Variants in HHIPL1 observed in about 807,000 individuals in gnomAD.
The protein encoded by HHIPL1 is HHIP-like protein 1.
HHIPL1 carries 43 observed loss-of-function variants against 61.8 expected under a neutral mutation model. That is an observed-to-expected ratio of 0.70 (90% CI 0.55 to 0.90). The LOEUF (loss-of-function observed/expected upper bound fraction) is 0.90, where lower values mean the gene tolerates loss of function less well. Ranked by LOEUF, HHIPL1 falls within the 40% of genes least tolerant of loss-of-function variation. The pLI, the probability that HHIPL1 is intolerant of heterozygous loss-of-function variation, is 0.00. For missense variants in HHIPL1, 1,056 were observed against 1,157.7 expected (o/e 0.91, Z 1.28); for synonymous variants, 482 against 515.8 (o/e 0.93, Z 0.89).
the HHIPL1 span, among the ~76,000 whole-genome samples, chr14:99,626,684 G>A: frequency 6.6e-6 from 1 of 152,328 alleles, no homozygotes. Flanking sequence ...TCTAGGTCCT[G>A]GGGATCTGGG....
chr14:99,655,033 T>G (rs142739870), intron 2 of HHIPL1, among the ~76,000 whole-genome samples: 213 of 152,228 alleles, frequency 1.4e-3, no homozygotes, highest in African/African-American at 5.0e-3. Flanking sequence ...GACTCACTGT[T>G]GGGGAAAGGT....
At position 99,668,007 on chromosome 14, in the gene HHIPL1, G is replaced by A. The variant is rs2056273539; in HGVS notation, c.1649-215G>A. Among the ~76,000 whole-genome samples, 1 of 152,182 alleles carries A rather than the reference G, an allele frequency of 6.6e-6. No homozygotes were observed. Among genetic ancestry groups the A allele is most frequent in the African/African-American group, 2.4e-5 (1 of 41,432 alleles). ...GAGTGCCTGACACCCGGAAGACCAGGCTCCAGAGGCCCTTGGGTACAACCC... is the reference window on the plus strand; with the variant it reads ...GAGTGCCTGACACCCGGAAGACCAGACTCCAGAGGCCCTTGGGTACAACCC... On this transcript the variant is annotated intron_variant, in intron 6 of 8. Coordinates refer to ENST00000330710, the MANE Select transcript of HHIPL1 (RefSeq NM_001127258.3). The surrounding 1 kb of genome is among the most constrained non-coding windows in gnomAD (Gnocchi z 4.7).
rs2056109326 is a variant in HHIPL1, at chr14:99,659,592, G to A, written c.1211G>A (p.Gly404Asp). 1.9e-6 allele frequency: 3 copies of A among 1,552,572 alleles called. No homozygotes were observed. Among genetic ancestry groups the A allele is most frequent in the East Asian group, 4.8e-5 (2 of 41,410 alleles). The change falls in exon 4 of 9, where the codon GGC becomes GAC. Residue 404 changes from glycine (G) to aspartate (D), a missense_variant. Coordinates refer to ENST00000330710, the MANE Select transcript of HHIPL1 (RefSeq NM_001127258.3). Reference sequence around the variant, plus strand: ...ATGTGGCGCTGCTCCTTCGACCGTGGCGACCCCTCCTCGGGCACTGGCCGC... The same window carrying A: ...ATGTGGCGCTGCTCCTTCGACCGTGACGACCCCTCCTCGGGCACTGGCCGC... ...RNMWRCSFDR[G>D]DPSSGTGRGR...
At chr14:99,654,125 G>A (rs2055985960) in intron 2 of HHIPL1, among the ~76,000 whole-genome samples, 1 of 142,554 alleles carries the variant, frequency 7.0e-6, no homozygotes, top group African/African-American at 2.5e-5. Flanking sequence ...GGAGGCAGAG[G>A]TTGCAGTGAA....
the HHIPL1 span, among the ~76,000 whole-genome samples, chr14:99,630,267 A>G: frequency 8.5e-5 from 13 of 152,330 alleles, no homozygotes; most frequent in South Asian, 2.7e-3. Context: ...CCCATCGCAC[A>G]CCGGGCAGGC....
chr14:99,615,314 A>G, the HHIPL1 span, among the ~76,000 whole-genome samples: 194 of 152,314 alleles, frequency 1.3e-3, 1 homozygote, highest in African/African-American at 4.4e-3. Context: ...TTAGGAGCCC[A>G]GCCTCCCAGA....
intron 1 of HHIPL1, among the ~76,000 whole-genome samples, chr14:99,645,923 G>A (rs1217569228): frequency 6.6e-6 from 1 of 152,202 alleles, no homozygotes; most frequent in Non-Finnish European, 1.5e-5. Context: ...CGTGGTCAAC[G>A]TGTGGCCCGG....
chr14:99,634,526 C>G, the HHIPL1 span, among the ~76,000 whole-genome samples: 1 of 152,242 alleles, frequency 6.6e-6, no homozygotes, highest in Non-Finnish European at 1.5e-5. Flanking sequence ...CCATACTTCT[C>G]TAACTACAGC....
At chr14:99,614,658 C>T in the HHIPL1 span, among the ~76,000 whole-genome samples, 1 of 152,186 alleles carries the variant, frequency 6.6e-6, no homozygotes, top group Non-Finnish European at 1.5e-5. Context: ...AGGAGACACT[C>T]CCATTGCTGT....
chr14:99,666,467 T>A (rs2056248118), intron 6 of HHIPL1, among the ~76,000 whole-genome samples: 1 of 152,182 alleles, frequency 6.6e-6, no homozygotes, highest in South Asian at 2.1e-4. Context: ...TGGTCCAGCC[T>A]TGTCATTTTA....
Position 99,668,175 on chromosome 14 carries a change from C to G in HHIPL1, c.1649-47C>G, listed in dbSNP as rs77233601. ...GGTGGTGAGGCGGGGCTGGCTGGGA[C>G]GGTATTCCAGGTGGGGGTCTCACTA... On this transcript the variant is annotated intron_variant, in intron 6 of 8. Coordinates refer to ENST00000330710, the MANE Select transcript of HHIPL1 (RefSeq NM_001127258.3). This position sits in a 1 kb window ranked among gnomAD's most constrained non-coding sequence, Gnocchi z 4.7. The G allele has an allele frequency of 5.1e-6, 6 of 1,166,162 alleles. No individual in the cohort carries two copies. The African/African-American group carries it at 9.1e-5, about 18-fold the overall frequency. 72.2% of individuals were successfully genotyped at this position (1,166,162 alleles called of 1,614,324 possible).
chr14:99,658,540 C>T (rs1045519743), intron 3 of HHIPL1, among the ~76,000 whole-genome samples: 1 of 152,140 alleles, frequency 6.6e-6, no homozygotes, highest in South Asian at 2.1e-4. Flanking sequence ...CTTCACAAAC[C>T]CTGCCTTGAA....
chr14:99,641,118 C>T (rs2055745739), upstream of HHIPL1, among the ~76,000 whole-genome samples: 1 of 151,920 alleles, frequency 6.6e-6, no homozygotes, highest in Admixed American at 6.6e-5. Context: ...AACTCCTGAC[C>T]TCAGGTGATC....
chr14:99,638,590 G>T, the HHIPL1 span, among the ~76,000 whole-genome samples: 1 of 152,150 alleles, frequency 6.6e-6, no homozygotes, highest in Non-Finnish European at 1.5e-5. Context: ...GGCCCCAGAG[G>T]GGCCAGCAAA....
At chr14:99,651,435 C>A (rs974233582) in intron 1 of HHIPL1, among the ~76,000 whole-genome samples, 1 of 152,148 alleles carries the variant, frequency 6.6e-6, no homozygotes, top group Non-Finnish European at 1.5e-5. Flanking sequence ...CGGCATGTCT[C>A]ATGACGACAG....
At chr14:99,620,438 G>C in the HHIPL1 span, among the ~76,000 whole-genome samples, 51 of 152,122 alleles carry the variant, frequency 3.4e-4, no homozygotes, top group African/African-American at 1.1e-3. Context: ...CCTTTTTCTC[G>C]CTCCCCATCC....
chr14:99,644,612 C>G (rs1473657812), upstream of HHIPL1, among the ~76,000 whole-genome samples: 1 of 152,074 alleles, frequency 6.6e-6, no homozygotes, highest in East Asian at 1.9e-4. Flanking sequence ...GCAGGAGAAT[C>G]CGCTGCCCCA....
At chr14:99,628,605 GA>G in the HHIPL1 span, among the ~76,000 whole-genome samples, 4 of 147,670 alleles carry the variant, frequency 2.7e-5, no homozygotes, top group Admixed American at 1.3e-4. Context: ...AAGAAAAAAA[GA>G]AAAAAAAAGA....
intron 1 of HHIPL1, among the ~76,000 whole-genome samples, chr14:99,650,843 C>T (rs1287871703): frequency 6.6e-6 from 1 of 152,264 alleles, no homozygotes; most frequent in Non-Finnish European, 1.5e-5. Flanking sequence ...GAGAATTCTG[C>T]CTGCCAGAGA....
Sources: allele counts gnomAD v4.1 joint callset (sites outside exome capture counted in the v4.1 genomes callset), GRCh38; gene constraint gnomAD v4.1.1; non-coding constraint Gnocchi (gnomAD v3.1); transcripts MANE v1.5; gene names NCBI Gene and HGNC (gene_info 2026-07-23, HGNC 2026-07-21).